COL26A1: variants seen among roughly 807,000 people sequenced by gnomAD.
COL26A1 encodes collagen type XXVI alpha 1 chain.
In COL26A1, 41 loss-of-function variants were observed where a neutral mutation model predicts 59.3. The ratio of observed to expected loss-of-function variants is 0.69; its 90% CI spans 0.54 to 0.90. The LOEUF (loss-of-function observed/expected upper bound fraction) is 0.90. Among genes scored for constraint, COL26A1 ranks in the 40% least tolerant of loss-of-function variants. COL26A1 has a pLI of 0.00. For synonymous variants in COL26A1, 266 were observed against 256.0 expected (o/e 1.04, Z -0.37); for missense variants, 612 against 602.3 (o/e 1.02, Z -0.17).
chr7:101,399,474 C>T (rs1403599614), intron 1 of COL26A1, among the ~76,000 whole-genome samples: 1 of 152,080 alleles, frequency 6.6e-6, no homozygotes, highest in Non-Finnish European at 1.5e-5. Context: ...CAGGTGTGCA[C>T]CACCACACCT....
chr7:101,387,497 TA>T (rs1330998685), intron 1 of COL26A1, among the ~76,000 whole-genome samples: 6 of 151,372 alleles, frequency 4.0e-5, no homozygotes, highest in African/African-American at 1.5e-4. Flanking sequence ...TTTTATTATT[TA>T]TATTGTGGTA....
Position 101,427,181 on chromosome 7 carries a change from C to A in COL26A1, c.281+7082C>A, listed in dbSNP as rs1022082707. Among the ~76,000 whole-genome samples, 3 of 152,182 alleles carry A rather than the reference C, an allele frequency of 2.0e-5. No homozygotes were observed. In the East Asian group the frequency reaches 5.8e-4, roughly 29 times the overall value. ...TCAAGTGATCCTCATGCCTTAGCCT[C>A]CCAACTGGGTGCCATGATGGATGGA... On this transcript the variant is annotated intron_variant, in intron 2 of 12. Coordinates refer to ENST00000313669, the MANE Select transcript of COL26A1 (RefSeq NM_001278563.3).
At chr7:101,374,547 T>C (rs554864265) in intron 1 of COL26A1, among the ~76,000 whole-genome samples, 29 of 152,306 alleles carry the variant, frequency 1.9e-4, no homozygotes, top group Admixed American at 3.9e-4. Flanking sequence ...TAGATTTTCA[T>C]AGGAGCTCCA....
chr7:101,374,185 C>G (rs560303665), intron 1 of COL26A1, among the ~76,000 whole-genome samples: 39 of 152,326 alleles, frequency 2.6e-4, no homozygotes. Flanking sequence ...ACCTGCCTCC[C>G]AGAAACCAGG....
chr7:101,431,848 A>G (rs957119457), intron 2 of COL26A1, among the ~76,000 whole-genome samples: 1 of 151,938 alleles, frequency 6.6e-6, no homozygotes, highest in Non-Finnish European at 1.5e-5. Flanking sequence ...CTGGGGTGCA[A>G]TGGTGTGATC....
chr7:101,447,667 C>A lies in COL26A1; in HGVS notation c.282-17C>A. 2.0e-6 allele frequency: 3 copies of A among 1,527,430 alleles called. No individual in the cohort carries two copies. The highest frequency in any genetic ancestry group is 1.8e-6 in the Non-Finnish European group (2 of 1,118,352). The allele number at this position is 1,527,430 out of a possible 1,614,324, so 94.6% of individuals were successfully genotyped here. Reference sequence around the variant, plus strand: ...TGGGTGGGAGCTCATGCCCCCCTGACGCTGTCTGTGTGTTAGTTACAGGAC... The same window carrying A: ...TGGGTGGGAGCTCATGCCCCCCTGAAGCTGTCTGTGTGTTAGTTACAGGAC... On this transcript the variant is annotated splice_polypyrimidine_tract_variant and intron_variant, in intron 2 of 12. Transcript: ENST00000313669.
At chr7:101,452,170 T>G (rs146284103) in intron 3 of COL26A1, among the ~76,000 whole-genome samples, 1 of 152,154 alleles carries the variant, frequency 6.6e-6, no homozygotes, top group Non-Finnish European at 1.5e-5. Context: ...CTCTAGAAGG[T>G]TAGTCCCTCA....
At chr7:101,382,035 T>A (rs1791462260) in intron 1 of COL26A1, among the ~76,000 whole-genome samples, 3 of 152,176 alleles carry the variant, frequency 2.0e-5, no homozygotes, top group Admixed American at 2.0e-4. Flanking sequence ...ATTTGTTTTT[T>A]AAAATTTTTA....
chr7:101,529,361 C>T (rs188614090), intron 3 of COL26A1, among the ~76,000 whole-genome samples: 3 of 152,110 alleles, frequency 2.0e-5, no homozygotes, highest in East Asian at 1.9e-4. Flanking sequence ...CTCTGCCTCC[C>T]GGGTTCAAGC....
chr7:101,480,016 T>A (rs1369017636), intron 3 of COL26A1, among the ~76,000 whole-genome samples: 2 of 152,134 alleles, frequency 1.3e-5, no homozygotes, highest in East Asian at 1.9e-4. Flanking sequence ...AGAGTCAGGG[T>A]CTCACTAGTT....
chr7:101,413,526 A>AGAAAAGAAAT (rs1792293107), intron 1 of COL26A1, among the ~76,000 whole-genome samples: 1 of 150,224 alleles, frequency 6.7e-6, no homozygotes, highest in Non-Finnish European at 1.5e-5. Context: ...TCTCAAGAAA[A>AGAAAAGAAAT]GAAAGGAAAT....
chr7:101,509,658 C>T (rs877703), intron 3 of COL26A1, among the ~76,000 whole-genome samples: 8 of 151,894 alleles, frequency 5.3e-5, no homozygotes, highest in Non-Finnish European at 8.8e-5. Flanking sequence ...GGTCTAGGCC[C>T]GGCCAACACG....
chr7:101,486,114 A>G (rs1452201198), intron 3 of COL26A1, among the ~76,000 whole-genome samples: 4 of 151,950 alleles, frequency 2.6e-5, no homozygotes, highest in Non-Finnish European at 5.9e-5. Context: ...CAGAGGTTGC[A>G]GTGAGCCAAG....
At position 101,545,388 on chromosome 7, in the gene COL26A1, C is replaced by T; in HGVS notation, c.754C>T (p.Pro252Ser). Residue 252 changes from proline (P) to serine (S), a missense_variant, in exon 7 of 13, where the codon CCC (proline) becomes TCC (serine). By Grantham distance (74) the Pro-to-Ser change is moderately conservative. Coordinates refer to ENST00000313669, the MANE Select transcript of COL26A1 (RefSeq NM_001278563.3). ...PRGLPGEMGR[P>S]GPPGPPGPAG... ...TGGGCTTCCTGGAGAGATGGGGCGC[C>T]CCGGCCCCCCAGGACCACCCGGCCC... 4.4e-6 allele frequency: 7 copies of T among 1,590,322 alleles called. No homozygotes were observed. In the South Asian group the frequency reaches 6.7e-5, roughly 15 times the overall value.
chr7:101,453,475 G>A (rs995192830), intron 3 of COL26A1, among the ~76,000 whole-genome samples: 7 of 152,202 alleles, frequency 4.6e-5, no homozygotes, highest in Non-Finnish European at 7.3e-5. Context: ...TGGAGTTCTT[G>A]GACTGATTAT....
chr7:101,478,085 C>T (rs1336048141), intron 3 of COL26A1, among the ~76,000 whole-genome samples: 3 of 152,166 alleles, frequency 2.0e-5, no homozygotes, highest in African/African-American at 4.8e-5. Context: ...CAGGTTGAAG[C>T]GATTCTCCCA....
At chr7:101,369,337 G>A (rs973587067) in intron 1 of COL26A1, among the ~76,000 whole-genome samples, 3 of 151,856 alleles carry the variant, frequency 2.0e-5, no homozygotes, top group Non-Finnish European at 2.9e-5. Context: ...AACCCAGGAG[G>A]TGGAGGTTGC....
At chr7:101,496,549 C>T (rs1198908126) in intron 3 of COL26A1, among the ~76,000 whole-genome samples, 1 of 152,110 alleles carries the variant, frequency 6.6e-6, no homozygotes, top group Admixed American at 6.6e-5. Flanking sequence ...TCATCCTCTT[C>T]CTCTGTGGGG....
chr7:101,382,971 G>A (rs949422283), intron 1 of COL26A1, among the ~76,000 whole-genome samples: 1 of 152,166 alleles, frequency 6.6e-6, no homozygotes, highest in East Asian at 1.9e-4. Flanking sequence ...GAGCCCCGGA[G>A]GCAGAGGTTG....
Sources: allele counts gnomAD v4.1 joint callset (sites outside exome capture counted in the v4.1 genomes callset), GRCh38; gene constraint gnomAD v4.1.1; transcripts MANE v1.5; gene names NCBI Gene and HGNC (gene_info 2026-07-23, HGNC 2026-07-21).